INTS1: variants seen among roughly 807,000 people sequenced by gnomAD.
The protein encoded by INTS1 is integrator complex subunit 1.
In INTS1, 137 loss-of-function variants were observed where a neutral mutation model predicts 241.6. The ratio of observed to expected loss-of-function variants is 0.57; its 90% confidence interval spans 0.49 to 0.65. The LOEUF (loss-of-function observed/expected upper bound fraction) is 0.65. Ranked by LOEUF, INTS1 falls within the 30% of genes least tolerant of loss-of-function variation. The probability of loss-of-function intolerance (pLI) is 0.00; values close to 1 mark genes in which losing one functional copy is unlikely to be tolerated. For synonymous variants in INTS1, 1,692 were observed against 1,337.8 expected, an observed-to-expected ratio of 1.26 and a Z score of -5.78; for missense variants, 3,073 against 3,032.2, an observed-to-expected ratio of 1.01 and a Z score of -0.32.
In INTS1 at chr7:1,479,500, G is replaced by A. The variant is rs773678507; in HGVS notation, c.4259C>T (p.Ala1420Val). 1 of 1,572,496 alleles carries A rather than the reference G, an allele frequency of 6.4e-7. No individual in the cohort carries two copies. The highest frequency in any genetic ancestry group is 8.6e-7 in the Non-Finnish European group (1 of 1,160,246). ...ATLLSSPHGG[A>V]LVMSMHRSHF... ...GCTACGGTGCATGGACATCACCAGG[G>A]CACCGCCGTGTGGGGAGCTGAGCAG... The change falls in exon 31 of 48, where the codon GCC (alanine) becomes GTC (valine). Residue 1420 changes from alanine (A) to valine (V), a missense_variant. Physicochemically the swap from Ala to Val is moderately conservative, Grantham distance 64. Transcript: ENST00000404767.
intron 16 of INTS1, 121 bp downstream of exon 16, chr7:1,492,889 G>A (rs990737825): frequency 3.5e-6 from 2 of 578,770 alleles, no homozygotes; most frequent in Non-Finnish European, 6.0e-6. Context: ...CGGGAGTGGG[G>A]AGCGGGGCGC....
At chr7:1,482,836 T>A in intron 26 of INTS1, 129 bp from the exon 27 acceptor site, 1 of 1,115,560 alleles carries the variant, frequency 9.0e-7, no homozygotes, top group South Asian at 1.5e-5. Context: ...AGCACGGGGC[T>A]CCTGTGCTAG....
Position 1,481,135 on chromosome 7 carries a change from C to T in INTS1, c.3851-202G>A, listed in dbSNP as rs1425272404. ...AAACACGGCCCTAGGGGGTGCCTGG[C>T]CCCAGGGTTGGGGCAGGCCCAGGCC... On this transcript the variant is annotated intron_variant, in intron 28 of 47. Transcript: ENST00000404767. The surrounding 1 kb of genome is among the most constrained non-coding windows in gnomAD (Gnocchi z 6.8). 4.1e-6 allele frequency: 3 copies of T among 725,304 alleles called. No homozygotes were observed. Among genetic ancestry groups the T allele is most frequent in the South Asian group, 3.3e-5 (2 of 60,004 alleles). 44.9% of individuals were successfully genotyped at this position (725,304 alleles called of 1,614,324 possible).
At chr7:1,482,781 C>T (rs1782058666) in intron 26 of INTS1, 74 bp from the exon 27 acceptor site, 4 of 1,527,876 alleles carry the variant, frequency 2.6e-6, no homozygotes, top group South Asian at 1.2e-5. Context: ...GGTGCCAAGG[C>T]TAGAGGCACC....
chr7:1,488,346 G>A (rs946302621), intron 18 of INTS1, among the ~76,000 whole-genome samples: 15 of 152,200 alleles, frequency 9.9e-5, no homozygotes, highest in African/African-American at 3.4e-4. Context: ...CTGCAGGGCA[G>A]GGACTCTCTT....
At chr7:1,501,529 G>A (rs1335554322) in intron 3 of INTS1, among the ~76,000 whole-genome samples, 1 of 152,090 alleles carries the variant, frequency 6.6e-6, no homozygotes, top group Non-Finnish European at 1.5e-5. Flanking sequence ...ACTATAAAGT[G>A]ATCTACCACT....
In INTS1 at chr7:1,499,056, C is replaced by T. The variant is rs1191486201; in HGVS notation, c.1056G>A (p.Arg352=). 3.8e-6 allele frequency: 6 copies of T among 1,597,480 alleles called. No homozygotes were observed. Among genetic ancestry groups the T allele is most frequent in the Admixed American group, 3.4e-5 (2 of 58,032 alleles). The change falls in exon 8 of 48, where the codon CGG becomes CGA. Residue 352 remains arginine, a synonymous_variant. Coordinates refer to ENST00000404767, the MANE Select transcript of INTS1 (RefSeq NM_001080453.3). The part of the protein sequence containing the change: ...PIDNVSRNLL[R]LLTSTCGYKE... ...TATAGCCGCAGGTGGAGGTGAGGAGCCGCAGGAGGTTCCTGGAGACGTTGT... is the reference window on the plus strand; with the variant it reads ...TATAGCCGCAGGTGGAGGTGAGGAGTCGCAGGAGGTTCCTGGAGACGTTGT...
rs759434383 is a variant in INTS1 at position 1,486,785 on chromosome 7, G to A, written c.2827-11C>T. 5 of 1,611,328 alleles carry A rather than the reference G, an allele frequency of 3.1e-6. No homozygotes were observed. Among genetic ancestry groups the A allele is most frequent in the African/African-American group, 1.3e-5 (1 of 74,988 alleles). On this transcript the variant is annotated splice_polypyrimidine_tract_variant and intron_variant, in intron 21 of 47. Coordinates refer to ENST00000404767, the MANE Select transcript of INTS1 (RefSeq NM_001080453.3). ...CTGCTTCTGTTGCCTCTGCAGGGAG[G>A]AAGGGGCTCTCAGGGGTGCAGGTGA...
In INTS1 at chr7:1,479,757, C is replaced by A. The variant is rs1032099961; in HGVS notation, c.4075-73G>T. On this transcript the variant is annotated intron_variant, in intron 30 of 47. Coordinates refer to ENST00000404767, the MANE Select transcript of INTS1 (RefSeq NM_001080453.3). ...AGGAGCGCAGCGGAGAGGCTAAGCG[C>A]CCGGTGCAGCTCCGTGCCAGAACCG... is the stretch of plus-strand genomic sequence containing the variant. 33 of 1,399,734 alleles carry A rather than the reference C, an allele frequency of 2.4e-5. No homozygotes were observed. In the Admixed American group the frequency reaches 9.3e-4, roughly 39 times the overall value. The allele number at this position is 1,399,734 out of a possible 1,614,324, so 86.7% of individuals were successfully genotyped here. A position where few individuals can be genotyped will look rare whatever the true frequency, so the allele number is the denominator to read the frequency against.
In INTS1 at chr7:1,489,796, C is replaced by T. The variant is rs114834568; in HGVS notation, c.2166-114G>A. On this transcript the variant is annotated intron_variant, in intron 16 of 47. Coordinates refer to ENST00000404767, the MANE Select transcript of INTS1 (RefSeq NM_001080453.3). ...GACGGTGCTGGCTCCCAGCTCCTCCCGGGACTGCCCTCCAGTGACACCTGT... is the reference window on the plus strand; with the variant it reads ...GACGGTGCTGGCTCCCAGCTCCTCCTGGGACTGCCCTCCAGTGACACCTGT... The T allele has an allele frequency of 9.5e-3, 6,598 of 693,266 alleles. 333 individuals are homozygous for T. The African/African-American group carries it at 0.11, about 11-fold the overall frequency. The allele number at this position is 693,266 out of a possible 1,614,324, so 42.9% of individuals were successfully genotyped here.
chr7:1,489,984 A>C (rs887040930), intron 16 of INTS1, among the ~76,000 whole-genome samples: 8 of 152,224 alleles, frequency 5.3e-5, no homozygotes, highest in Non-Finnish European at 1.2e-4. Flanking sequence ...TCTACATGAC[A>C]TAACAGACAC....
At position 1,489,603 on chromosome 7, in the gene INTS1, G is replaced by A. The variant is rs1391066615; in HGVS notation, c.2245C>T (p.Pro749Ser). The A allele has an allele frequency of 1.1e-5, 17 of 1,587,006 alleles. No individual in the cohort carries two copies. The highest frequency in any genetic ancestry group is 9.1e-5 in the East Asian group (4 of 43,828). The change falls in exon 17 of 48, where the codon CCA becomes TCA. Residue 749 changes from proline (P) to serine (S), a missense_variant. Pro to Ser is a moderately conservative substitution (Grantham distance 74). Transcript: ENST00000404767. Reference protein sequence around the residue: ...PLLLVVAAFNPENIGLAAWEE... With the variant: ...PLLLVVAAFNSENIGLAAWEE... ...AGCAGAGGCTCACCGATGTTCTCTG[G>A]GTTGAATGCGGCGACGACCAGCAGG...
chr7:1,498,930 G>GGCCCCCCCC, intron 8 of INTS1, 45 bp downstream of exon 8: 3 of 1,460,168 alleles, frequency 2.1e-6, no homozygotes, highest in African/African-American at 1.4e-5. Flanking sequence ...CACAGAGCCT[G>GGCCCCCCCC]CCCCCACCCC....
At chr7:1,494,493 C>T (rs1004484684) in intron 14 of INTS1, 10 of 435,612 alleles carry the variant, frequency 2.3e-5, no homozygotes, top group East Asian at 9.2e-5. Flanking sequence ...CAGGGGCAGA[C>T]GGTGCATCTG....
At position 1,495,017 on chromosome 7, in the gene INTS1, C is replaced by T. The variant is rs1398769598; in HGVS notation, c.1833-124G>A. On this transcript the variant is annotated intron_variant, in intron 13 of 47. Coordinates refer to ENST00000404767, the MANE Select transcript of INTS1 (RefSeq NM_001080453.3). ...CTCAGAGGCCGGGCTGCCTGGTGCC[C>T]AAGCTCAGCACCTCCTCACAGCACC... The T allele has an allele frequency of 4.6e-6, 5 of 1,095,102 alleles. No individual in the cohort carries two copies. The African/African-American group carries it at 4.6e-5, about 10-fold the overall frequency. The allele number at this position is 1,095,102 out of a possible 1,614,324, so 67.8% of individuals were successfully genotyped here. A position where few individuals can be genotyped will look rare whatever the true frequency, so the allele number is the denominator to read the frequency against.
chr7:1,489,864 C>T (rs1019294716), intron 16 of INTS1, among the ~76,000 whole-genome samples, 182 bp from the exon 17 acceptor site: 3 of 152,174 alleles, frequency 2.0e-5, no homozygotes, highest in African/African-American at 7.2e-5. Flanking sequence ...CCTGTCCAGG[C>T]CCGACTCCGG....
In INTS1 at chr7:1,481,295, C is replaced by T. The variant is rs375140150; in HGVS notation, c.3850+47G>A. The T allele has an allele frequency of 6.2e-7, 1 of 1,608,942 alleles. No individual in the cohort carries two copies. The highest frequency in any genetic ancestry group is 8.5e-7 in the Non-Finnish European group (1 of 1,177,934). ...CCCCAAAAGCCTGGCCGGGCTGGGG[C>T]TCGGTCAGCGTGTGTGAACCCACTC... On this transcript the variant is annotated intron_variant, in intron 28 of 47. Transcript: ENST00000404767. The surrounding 1 kb of genome is among the most constrained non-coding windows in gnomAD (Gnocchi z 6.8).
intron 40 of INTS1, 80 bp downstream of exon 40, chr7:1,474,625 T>G (rs1781626706): frequency 6.8e-6 from 10 of 1,470,642 alleles, no homozygotes; most frequent in Non-Finnish European, 9.1e-6. Flanking sequence ...GGAGTTTTGC[T>G]CTTGTTGCCC....
At chr7:1,477,236 C>T (rs1781766540) in intron 35 of INTS1, among the ~76,000 whole-genome samples, 1 of 152,234 alleles carries the variant, frequency 6.6e-6, no homozygotes, top group Admixed American at 6.5e-5. Context: ...GCCCCATTCC[C>T]TTTGGGAAGA....
Sources: allele counts gnomAD v4.1 joint callset (sites outside exome capture counted in the v4.1 genomes callset), GRCh38; gene constraint gnomAD v4.1.1; non-coding constraint Gnocchi (gnomAD v3.1); transcripts MANE v1.5; gene names NCBI Gene and HGNC (gene_info 2026-07-23, HGNC 2026-07-21).